RUVBL1: variants seen among roughly 807,000 people sequenced by gnomAD.
The protein encoded by RUVBL1 is ruvB-like 1.
A neutral mutation model predicts 52.4 loss-of-function variants in RUVBL1; 4 were observed. The ratio of observed to expected loss-of-function variants is 0.08; its 90% CI spans 0.04 to 0.17. The LOEUF (loss-of-function observed/expected upper bound fraction) is 0.17, where lower values mean the gene tolerates loss of function less well. Ranked by LOEUF, RUVBL1 falls within the 10% of genes least tolerant of loss-of-function variation. The pLI is 1.00. For synonymous variants in RUVBL1, 217 were observed against 214.4 expected (o/e 1.01, Z -0.10); for missense variants, 298 against 572.8 (o/e 0.52, Z 4.90).
intron 9 of RUVBL1, chr3:128,066,605 G>C (rs1941988386): frequency 3.8e-6 from 1 of 260,122 alleles, no homozygotes; most frequent in South Asian, 7.2e-5. Context: ...TTTATTTTTT[G>C]TAGAGACGGA....
At chr3:128,152,977 TCCCCCCG>T (rs1944267194) in intron 1 of RUVBL1, among the ~76,000 whole-genome samples, 3 of 15,524 alleles carry the variant, frequency 1.9e-4, no homozygotes, top group Non-Finnish European at 3.0e-4. Flanking sequence ...GCCCCCGTCT[TCCCCCCG>T]CCCACCCCGC....
chr3:128,119,063 AC>A (rs1943586633), intron 2 of RUVBL1, among the ~76,000 whole-genome samples: 2 of 152,190 alleles, frequency 1.3e-5, no homozygotes, highest in South Asian at 4.1e-4. Flanking sequence ...AGCAAAGGAG[AC>A]TTGAAAGAGA....
chr3:128,142,475 C>A (rs561339266), intron 1 of RUVBL1, among the ~76,000 whole-genome samples: 81 of 152,296 alleles, frequency 5.3e-4, no homozygotes, highest in African/African-American at 1.9e-3. Context: ...AGATTTGACA[C>A]TCCAGTTAAG....
chr3:128,104,779 C>T lies in RUVBL1; in HGVS notation c.507G>A (p.Gln169=). Reference sequence around the variant, plus strand: ...GCCACATACATGTACTCACTTTCAACTGTTTGGTTCCTTTGGCTGTTTTGA... The same window carrying T: ...GCCACATACATGTACTCACTTTCAATTGTTTGGTTCCTTTGGCTGTTTTGA... ...IGLKTAKGTK[Q]LKLDPSIFES... The change falls in exon 4 of 11, where the codon CAG becomes CAA. Residue 169 remains glutamine, a synonymous_variant. Coordinates refer to ENST00000322623, the MANE Select transcript of RUVBL1 (RefSeq NM_003707.3). 1.2e-6 allele frequency: 2 copies of T among 1,607,354 alleles called. No homozygotes were observed. The highest frequency in any genetic ancestry group is 8.5e-7 in the Non-Finnish European group (1 of 1,174,376).
intron 1 of RUVBL1, among the ~76,000 whole-genome samples, chr3:128,129,449 TAAAA>T (rs1341142221): frequency 6.6e-6 from 1 of 151,890 alleles, no homozygotes; most frequent in Non-Finnish European, 1.5e-5. Flanking sequence ...ACAGCTATAA[TAAAA>T]AAGAAGAAAG....
At chr3:128,083,472 T>C (rs1269060243) in intron 9 of RUVBL1, 2 of 152,194 alleles carry the variant, frequency 1.3e-5, no homozygotes, top group Non-Finnish European at 2.9e-5. Context: ...TTTACTGAGG[T>C]GGCCACATCA....
chr3:128,107,451 T>C (rs1000211580), intron 3 of RUVBL1, among the ~76,000 whole-genome samples: 8 of 152,270 alleles, frequency 5.3e-5, no homozygotes, highest in African/African-American at 1.9e-4. Context: ...CGTTCTGATA[T>C]GGAAATATTC....
intron 9 of RUVBL1, among the ~76,000 whole-genome samples, chr3:128,065,877 G>A (rs1299770641): frequency 6.6e-6 from 1 of 151,530 alleles, no homozygotes; most frequent in African/African-American, 2.4e-5. Flanking sequence ...GAGTAGATGG[G>A]ATTACAGGTG....
intron 1 of RUVBL1, among the ~76,000 whole-genome samples, chr3:128,143,413 C>A (rs973318907): frequency 1.3e-5 from 2 of 152,132 alleles, no homozygotes; most frequent in Non-Finnish European, 2.9e-5. Flanking sequence ...CCTTGTGATT[C>A]GCCCTTCTCA....
intron 1 of RUVBL1, among the ~76,000 whole-genome samples, chr3:128,139,235 C>T (rs1040687738): frequency 2.0e-5 from 3 of 152,092 alleles, no homozygotes; most frequent in African/African-American, 7.2e-5. Context: ...AACAAAGAAA[C>T]AATCAACAAA....
At chr3:128,152,972 CGT>C (rs1944266006) in intron 1 of RUVBL1, among the ~76,000 whole-genome samples, 8 of 29,912 alleles carry the variant, frequency 2.7e-4, no homozygotes, top group Admixed American at 3.1e-4. Flanking sequence ...CCCCCGCCCC[CGT>C]CTTCCCCCCG....
intron 1 of RUVBL1, among the ~76,000 whole-genome samples, chr3:128,121,436 C>T (rs1464508192): frequency 6.0e-5 from 9 of 150,714 alleles, no homozygotes; most frequent in African/African-American, 7.3e-5. Context: ...CCTAGCCAGG[C>T]GCGTTGGCTC....
intron 1 of RUVBL1, among the ~76,000 whole-genome samples, chr3:128,151,216 TG>T (rs1247549075): frequency 2.5e-4 from 34 of 135,766 alleles, no homozygotes; most frequent in African/African-American, 8.9e-4. Flanking sequence ...ATATATACAC[TG>T]TATATATTCT....
At chr3:128,103,689 C>G (rs1176760176) in intron 4 of RUVBL1, among the ~76,000 whole-genome samples, 1 of 152,210 alleles carries the variant, frequency 6.6e-6, no homozygotes, top group Admixed American at 6.5e-5. Flanking sequence ...AGGGTCAGCT[C>G]TGCCACATGA....
At chr3:128,150,773 A>C (rs1479811862) in intron 1 of RUVBL1, among the ~76,000 whole-genome samples, 2 of 108,058 alleles carry the variant, frequency 1.9e-5, no homozygotes, top group African/African-American at 3.7e-5. Context: ...TCTATATATT[A>C]TATATTCTAT....
chr3:128,132,618 C>T (rs1176949467), intron 1 of RUVBL1, among the ~76,000 whole-genome samples: 3 of 152,026 alleles, frequency 2.0e-5, no homozygotes, highest in East Asian at 1.9e-4. Context: ...AGCTCCCAGA[C>T]GACATTTCTA....
At chr3:128,139,310 T>A (rs1453543684) in intron 1 of RUVBL1, among the ~76,000 whole-genome samples, 2 of 152,196 alleles carry the variant, frequency 1.3e-5, no homozygotes, top group Non-Finnish European at 2.9e-5. Context: ...AAGGGATTAA[T>A]AACCAGAATA....
chr3:128,067,197 A>G lies in RUVBL1; in HGVS notation c.940-1977T>C. 1 of 1,554,214 alleles carries G rather than the reference A, an allele frequency of 6.4e-7. No individual in the cohort carries two copies. Among genetic ancestry groups the G allele is most frequent in the Non-Finnish European group, 8.9e-7 (1 of 1,125,716 alleles). ...TGAGCTAGCAATGCAGCTAAGTTGC[A>G]GTGGTTTCTATCAGTGTCTTGCTCA... On this transcript the variant is annotated intron_variant, in intron 9 of 9. Coordinates refer to the RUVBL1 transcript ENST00000464873. This position sits in a 1 kb window ranked among gnomAD's most constrained non-coding sequence, Gnocchi z 4.1.
rs1002317421 is a variant in RUVBL1, at chr3:128,081,817, T to C, written c.1212-408A>G. ...TGCCCATCCAAAGGCATGAAGACTCTGCCGTTTTAAAAAGTACCCCTTCAT... is the reference window on the plus strand; with the variant it reads ...TGCCCATCCAAAGGCATGAAGACTCCGCCGTTTTAAAAAGTACCCCTTCAT... On this transcript the variant is annotated intron_variant, in intron 10 of 10. Coordinates refer to ENST00000322623, the MANE Select transcript of RUVBL1 (RefSeq NM_003707.3). The surrounding 1 kb of genome is among the most constrained non-coding windows in gnomAD (Gnocchi z 4.8). 2.3e-5 allele frequency: 4 copies of C among 171,184 alleles called. No homozygotes were observed. Among genetic ancestry groups the C allele is most frequent in the Admixed American group, 1.6e-4 (3 of 18,228 alleles). 10.6% of individuals were successfully genotyped at this position (171,184 alleles called of 1,614,324 possible). A position where few individuals can be genotyped will look rare whatever the true frequency, so the allele number is the denominator to read the frequency against.
Sources: gnomAD v4.1 joint callset for allele counts (sites outside exome capture counted in the v4.1 genomes callset) on GRCh38, gnomAD v4.1.1 for gene constraint, Gnocchi (gnomAD v3.1) non-coding constraint, MANE v1.5 for transcripts, NCBI Gene and HGNC (gene_info 2026-07-23, HGNC 2026-07-21) for gene names.